The following TENM4 variants were observed in gnomAD, a reference collection of about 807,000 sequenced individuals.
TENM4 encodes teneurin-4.
TENM4 carries 82 observed loss-of-function variants against 243.3 expected under a neutral mutation model. The observed-to-expected ratio is 0.34, with a 90% CI of 0.28 to 0.40. The LOEUF (loss-of-function observed/expected upper bound fraction) is 0.40. Among genes scored for constraint, TENM4 ranks in the 10% least tolerant of loss-of-function variants. The pLI, the probability that TENM4 is intolerant of heterozygous loss-of-function variation, is 1.00. For missense variants in TENM4, 3,138 were observed against 3,673.3 expected, an observed-to-expected ratio of 0.85 and a Z score of 3.77; for synonymous variants, 1,412 against 1,456.3, an observed-to-expected ratio of 0.97 and a Z score of 0.69.
At chr11:79,372,597 T>G (rs1251363148) in intron 1 of TENM4, among the ~76,000 whole-genome samples, 1 of 152,202 alleles carries the variant, frequency 6.6e-6, no homozygotes, top group Non-Finnish European at 1.5e-5. Context: ...CTGGTAGAAC[T>G]AGGTGTGAAT....
chr11:79,173,334 T>TA (rs1296114566), intron 3 of TENM4, among the ~76,000 whole-genome samples: 11 of 152,074 alleles, frequency 7.2e-5, no homozygotes, highest in Non-Finnish European at 1.6e-4. Flanking sequence ...CAGGTAGTGG[T>TA]ATGAGTTACA....
intron 4 of TENM4, among the ~76,000 whole-genome samples, chr11:79,111,425 G>A (rs1343912997): frequency 6.6e-6 from 1 of 152,052 alleles, no homozygotes; most frequent in Non-Finnish European, 1.5e-5. Flanking sequence ...GGCACCTGTA[G>A]TCTCAGCTAC....
intron 4 of TENM4, among the ~76,000 whole-genome samples, chr11:79,117,831 T>G (rs993985529): frequency 1.3e-5 from 2 of 152,148 alleles, no homozygotes; most frequent in Non-Finnish European, 2.9e-5. Context: ...TTTCCACAGG[T>G]AAATGAAGGT....
At chr11:78,772,579 T>A (rs1453495459) in intron 17 of TENM4, among the ~76,000 whole-genome samples, 1 of 152,220 alleles carries the variant, frequency 6.6e-6, no homozygotes, top group Non-Finnish European at 1.5e-5. Context: ...TATTCTTAAA[T>A]GGGACAACAA....
intron 15 of TENM4, among the ~76,000 whole-genome samples, chr11:78,791,726 T>C (rs561131838): frequency 9.2e-5 from 14 of 152,378 alleles, no homozygotes; most frequent in Non-Finnish European, 2.1e-4. Context: ...ATATTCAGGA[T>C]ATAATAAATA....
chr11:78,860,919 A>G (rs1360880520), intron 10 of TENM4, among the ~76,000 whole-genome samples: 1 of 152,258 alleles, frequency 6.6e-6, no homozygotes, highest in African/African-American at 2.4e-5. Context: ...TGTTCCTTAC[A>G]AAAACAAAAC....
intron 1 of TENM4, among the ~76,000 whole-genome samples, chr11:79,413,438 G>A (rs374245287): frequency 1.5e-3 from 226 of 152,278 alleles, no homozygotes; most frequent in African/African-American, 4.4e-3. Flanking sequence ...TCCCTGGCAC[G>A]CTCCATCCTG....
intron 9 of TENM4, among the ~76,000 whole-genome samples, chr11:78,884,866 C>T (rs1305747509): frequency 6.6e-6 from 1 of 152,156 alleles, no homozygotes; most frequent in Non-Finnish European, 1.5e-5. Context: ...GCTACTTAAG[C>T]TCATGGGGGC....
chr11:79,270,247 T>C (rs1402453272), intron 2 of TENM4, among the ~76,000 whole-genome samples: 1 of 152,198 alleles, frequency 6.6e-6, no homozygotes, highest in Non-Finnish European at 1.5e-5. Context: ...AGGGTGTAAC[T>C]GGCACTTAGC....
At position 78,686,348 on chromosome 11, in the gene TENM4, T is replaced by C. The variant is rs538053801; in HGVS notation, c.5260+1706A>G. On this transcript the variant is annotated intron_variant, in intron 29 of 33. Transcript: ENST00000278550. ...GCCCCTTACCCTATATCTTGTCATA[T>C]ACATCTCTTCGTCTATACCCTTGGT... 5.9e-5 allele frequency among the ~76,000 whole-genome samples: 9 copies of C among 152,346 alleles called. No homozygotes were observed. In the East Asian group the frequency reaches 9.6e-4, roughly 16 times the overall value.
chr11:78,890,191 C>T (rs1317759612), intron 8 of TENM4, among the ~76,000 whole-genome samples, 171 bp from the exon 9 acceptor site: 2 of 152,002 alleles, frequency 1.3e-5, no homozygotes, highest in Non-Finnish European at 2.9e-5. Context: ...ACGGACTAGA[C>T]CATGGAACAG....
At chr11:79,213,539 A>T (rs1004495537) in intron 3 of TENM4, among the ~76,000 whole-genome samples, 23 of 152,362 alleles carry the variant, frequency 1.5e-4, no homozygotes, top group African/African-American at 5.5e-4. Flanking sequence ...AGATTCTTGC[A>T]GCCTAGTATT....
At chr11:78,955,253 T>G (rs1487600901) in intron 6 of TENM4, among the ~76,000 whole-genome samples, 1 of 152,242 alleles carries the variant, frequency 6.6e-6, no homozygotes, top group African/African-American at 2.4e-5. Flanking sequence ...CACAGGACTT[T>G]TCTGTGGATC....
At chr11:79,071,024 G>C (rs992196743) in intron 4 of TENM4, among the ~76,000 whole-genome samples, 2 of 152,076 alleles carry the variant, frequency 1.3e-5, no homozygotes, top group African/African-American at 4.8e-5. Context: ...TCTGACTGGT[G>C]GGAAGCTCCT....
chr11:78,661,679 C>T, intron 32 of TENM4, 88 bp from the exon 33 acceptor site: 2 of 1,509,406 alleles, frequency 1.3e-6, no homozygotes, highest in African/African-American at 1.4e-5. Context: ...CAGTTAGCTG[C>T]AGGGTGTGGT....
intron 12 of TENM4, among the ~76,000 whole-genome samples, chr11:78,837,813 A>G (rs1386719526): frequency 3.3e-5 from 5 of 152,204 alleles, no homozygotes; most frequent in Non-Finnish European, 5.9e-5. Flanking sequence ...TAATGGCTAT[A>G]TAATATTAAG....
At chr11:79,293,803 C>G (rs913594790) in intron 2 of TENM4, among the ~76,000 whole-genome samples, 7 of 152,216 alleles carry the variant, frequency 4.6e-5, no homozygotes, top group Admixed American at 2.6e-4. Flanking sequence ...GAGCCAATGA[C>G]TGCAGCCACA....
intron 6 of TENM4, among the ~76,000 whole-genome samples, chr11:78,990,405 C>G (rs1032371755): frequency 6.6e-6 from 1 of 152,114 alleles, no homozygotes; most frequent in Non-Finnish European, 1.5e-5. Context: ...ACCGGAGCAC[C>G]CTGCCGCTGG....
At chr11:79,406,004 C>T (rs936053047) in intron 1 of TENM4, among the ~76,000 whole-genome samples, 4 of 152,176 alleles carry the variant, frequency 2.6e-5, no homozygotes, top group South Asian at 4.1e-4. Context: ...AGAATCTCTA[C>T]GGTGATCTCC....
Sources: allele counts gnomAD v4.1 joint callset (sites outside exome capture counted in the v4.1 genomes callset), GRCh38; gene constraint gnomAD v4.1.1; transcripts MANE v1.5; gene names NCBI Gene and HGNC (gene_info 2026-07-23, HGNC 2026-07-21).